CDON: variants seen among roughly 807,000 people sequenced by gnomAD.
CDON encodes cell adhesion molecule-related/down-regulated by oncogenes.
CDON carries 73 observed loss-of-function variants against 120.9 expected under a neutral mutation model. That is an observed-to-expected ratio of 0.60 (90% CI 0.50 to 0.73). The LOEUF (loss-of-function observed/expected upper bound fraction) is 0.73, where lower values mean the gene tolerates loss of function less well. Ranked by LOEUF, CDON falls within the 30% of genes least tolerant of loss-of-function variation. CDON has a pLI of 0.00. For missense variants in CDON, 1,470 were observed against 1,587.3 expected, an observed-to-expected ratio of 0.93 and a Z score of 1.26; for synonymous variants, 566 against 573.5, an observed-to-expected ratio of 0.99 and a Z score of 0.19.
Position 125,966,137 on chromosome 11 carries a change from C to CAA in CDON, c.3357-4141_3357-4140dup, listed in dbSNP as rs35651493. Among the ~76,000 whole-genome samples the CAA allele has an allele frequency of 2.7e-3, 331 of 120,372 alleles. 1 individual carries two copies. The highest frequency in any genetic ancestry group is 5.4e-3 in the African/African-American group (170 of 31,312). The allele number at this position is 120,372 out of a possible 152,430, so 79.0% of individuals were successfully genotyped here. On this transcript the variant is annotated intron_variant, in intron 18 of 19. Coordinates refer to ENST00000531738, the MANE Select transcript of CDON (RefSeq NM_001378964.1). ...GGGCAAGAAGCGCGAAATTCCATCT[C>CAA]AAAAAAAAAAAAAAAATTCGATAAA...
chr11:125,974,087 G>A (rs928856700), intron 18 of CDON, among the ~76,000 whole-genome samples: 1 of 151,728 alleles, frequency 6.6e-6, no homozygotes, highest in African/African-American at 2.4e-5. Context: ...GTAGAGATGG[G>A]GTTTCACCAC....
intron 8 of CDON, among the ~76,000 whole-genome samples, chr11:126,006,503 A>C (rs1169965607): frequency 6.6e-6 from 1 of 152,064 alleles, no homozygotes; most frequent in Non-Finnish European, 1.5e-5. Flanking sequence ...CCCCATCTCT[A>C]CAAAAAACAC....
At chr11:125,979,540 C>T (rs148373294) in intron 17 of CDON, among the ~76,000 whole-genome samples, 1 of 152,162 alleles carries the variant, frequency 6.6e-6, no homozygotes, top group African/African-American at 2.4e-5. Context: ...TCTATTTCCC[C>T]CACCCAGAAA....
Position 126,034,223 on chromosome 11 carries a change from C to T in CDON, c.-61-10686G>A, listed in dbSNP as rs1948030865. ...TCAGCCAAGCATACAAACGATCCTG[C>T]TGCCTGCGAAAGCATTTCCTTTCAC... On this transcript the variant is annotated intron_variant, in intron 1 of 19. Coordinates refer to ENST00000531738, the MANE Select transcript of CDON (RefSeq NM_001378964.1). This position sits in a 1 kb window ranked among gnomAD's most constrained non-coding sequence, Gnocchi z 4.5. Among the ~76,000 whole-genome samples the T allele has an allele frequency of 6.6e-6, 1 of 152,182 alleles. No individual in the cohort carries two copies. The highest frequency in any genetic ancestry group is 2.4e-5 in the African/African-American group (1 of 41,446).
At chr11:126,010,777 A>G in intron 7 of CDON, 83 bp from the exon 8 acceptor site, 1 of 1,108,374 alleles carries the variant, frequency 9.0e-7, no homozygotes, top group South Asian at 1.3e-5. Flanking sequence ...TATCACGTAA[A>G]TGTGGGAGTA....
At chr11:125,977,084 G>C (rs370989644) in intron 18 of CDON, among the ~76,000 whole-genome samples, 3 of 152,138 alleles carry the variant, frequency 2.0e-5, no homozygotes, top group Non-Finnish European at 4.4e-5. Flanking sequence ...CCTTTACCAG[G>C]TCTTTAGCAC....
chr11:125,983,058 G>A (rs1305011103), intron 16 of CDON, among the ~76,000 whole-genome samples: 1 of 152,190 alleles, frequency 6.6e-6, no homozygotes, highest in African/African-American at 2.4e-5. Flanking sequence ...AGGGGAGCAT[G>A]CGTGAGAACT....
chr11:125,976,761 C>G (rs1946161360), intron 18 of CDON, among the ~76,000 whole-genome samples: 1 of 152,094 alleles, frequency 6.6e-6, no homozygotes, highest in Non-Finnish European at 1.5e-5. Context: ...ACATGATTGG[C>G]AGGAAATTGC....
chr11:125,994,361 G>C lies in CDON; in HGVS notation c.2573C>G (p.Pro858Arg). 1 of 1,586,884 alleles carries C rather than the reference G, an allele frequency of 6.3e-7. No homozygotes were observed. Among genetic ancestry groups the C allele is most frequent in the Non-Finnish European group, 8.7e-7 (1 of 1,155,434 alleles). ...TYIPSSNNNT[P>R]IQGFYIYYRP... is the part of the protein sequence containing the mutation. ...GTAATAGATATAAAATCCTTGAATGGGAGTGTTATTGTTACTTGATGGAAT... is the reference window on the plus strand; with the variant it reads ...GTAATAGATATAAAATCCTTGAATGCGAGTGTTATTGTTACTTGATGGAAT... Residue 858 changes from proline (P) to arginine (R), a missense_variant, in exon 14 of 20, where the codon CCC (proline) becomes CGC (arginine). Physicochemically the swap from Pro to Arg is moderately radical, Grantham distance 103. Transcript: ENST00000531738.
At chr11:125,981,815 A>G (rs1355347320) in intron 16 of CDON, among the ~76,000 whole-genome samples, 1 of 152,090 alleles carries the variant, frequency 6.6e-6, no homozygotes, top group African/African-American at 2.4e-5. Flanking sequence ...ACAAAAGACT[A>G]GCTTTAGGTG....
chr11:126,007,429 G>A (rs1218786879), intron 8 of CDON, among the ~76,000 whole-genome samples: 1 of 152,232 alleles, frequency 6.6e-6, no homozygotes, highest in Non-Finnish European at 1.5e-5. Context: ...TGGAACAGCA[G>A]TGTTTATCTA....
intron 7 of CDON, chr11:126,015,028 T>G (rs1012743226): frequency 1.0e-5 from 6 of 580,878 alleles, no homozygotes; most frequent in Admixed American, 3.0e-5. Context: ...TGTTGAAAAT[T>G]TTTTAAAAAC....
intron 8 of CDON, 68 bp from the exon 9 acceptor site, chr11:126,006,125 G>T: frequency 7.0e-7 from 1 of 1,430,302 alleles, no homozygotes; most frequent in South Asian, 1.2e-5. Flanking sequence ...CCCAGTTTGT[G>T]ACGTGACTGC....
rs568066003 is a variant in CDON at position 126,001,217 on chromosome 11, T to A, written c.2158+502A>T. On this transcript the variant is annotated intron_variant, in intron 11 of 19. Transcript: ENST00000531738. Reference sequence around the variant, plus strand: ...TTTCTTTTTTTTTTTTTTTGAGGTCTCACTCTGTCATCCAGGCTGGAGTGC... The same window carrying A: ...TTTCTTTTTTTTTTTTTTTGAGGTCACACTCTGTCATCCAGGCTGGAGTGC... Among the ~76,000 whole-genome samples the A allele has an allele frequency of 2.0e-5, 3 of 148,556 alleles. No individual in the cohort carries two copies. The East Asian group carries it at 6.0e-4, about 30-fold the overall frequency.
At chr11:126,020,274 G>A (rs558362710) in intron 3 of CDON, among the ~76,000 whole-genome samples, 14 of 152,044 alleles carry the variant, frequency 9.2e-5, no homozygotes, top group South Asian at 2.1e-4. Context: ...CTTTCCCTAC[G>A]GATCTTTAAT....
At chr11:126,037,201 A>C (rs978677527) in intron 1 of CDON, among the ~76,000 whole-genome samples, 1 of 151,770 alleles carries the variant, frequency 6.6e-6, no homozygotes, top group Non-Finnish European at 1.5e-5. Flanking sequence ...CCCTGGGTTC[A>C]GGCGATCCTC....
chr11:126,015,308 C>A lies in CDON; in HGVS notation c.1131G>T (p.Met377Ile), dbSNP rs1947430607. 11 of 1,613,972 alleles carry A rather than the reference C, an allele frequency of 6.8e-6. No individual in the cohort carries two copies. Among genetic ancestry groups the A allele is most frequent in the Non-Finnish European group, 9.3e-6 (11 of 1,179,856 alleles). ...ISGVTVEDVG[M>I]YQCVADNGIG... ...TCCCATTATCTGCTACACACTGATA[C>A]ATCCCAACATCTTCCACAGTAACCC... The change falls in exon 7 of 20, where the codon ATG becomes ATT. Residue 377 changes from methionine (M) to isoleucine (I), a missense_variant. By Grantham distance (10) the Met-to-Ile change is conservative. Transcript: ENST00000531738.
At chr11:126,028,833 GTA>G (rs751874778) in intron 1 of CDON, among the ~76,000 whole-genome samples, 3,565 of 149,456 alleles carry the variant, frequency 0.024, 145 homozygotes, top group African/African-American at 0.08. Context: ...GTGTGTGTGT[GTA>G]TATATATATA....
At position 126,028,703 on chromosome 11, in the gene CDON, G is replaced by A. The variant is rs557235813; in HGVS notation, c.-61-5166C>T. The stretch of plus-strand genomic sequence containing the variant: ...CATAAATAAAACTTTTAACAGCTGC[G>A]GAGAATTTATTTATTTATTTATTTA... On this transcript the variant is annotated intron_variant, in intron 1 of 19. Coordinates refer to ENST00000531738, the MANE Select transcript of CDON (RefSeq NM_001378964.1). Among the ~76,000 whole-genome samples the A allele has an allele frequency of 2.7e-3, 366 of 135,410 alleles. 2 individuals carry two copies. Among genetic ancestry groups the A allele is most frequent in the Non-Finnish European group, 3.9e-3 (243 of 61,764 alleles). The allele number at this position is 135,410 out of a possible 152,430, so 88.8% of individuals were successfully genotyped here. A position where few individuals can be genotyped will look rare whatever the true frequency, so the allele number is the denominator to read the frequency against.
Sources: gnomAD v4.1 joint callset for allele counts (sites outside exome capture counted in the v4.1 genomes callset) on GRCh38, gnomAD v4.1.1 for gene constraint, Gnocchi (gnomAD v3.1) non-coding constraint, MANE v1.5 for transcripts, NCBI Gene and HGNC (gene_info 2026-07-23, HGNC 2026-07-21) for gene names.